Variants in DNAH9 observed in about 807,000 individuals in gnomAD.
DNAH9 encodes the protein dynein axonemal heavy chain 9.
In DNAH9, 345 loss-of-function variants were observed where a neutral mutation model predicts 471.6. That is an observed-to-expected ratio of 0.73 (90% confidence interval 0.67 to 0.80). DNAH9 has a LOEUF of 0.80. Among genes scored for constraint, DNAH9 ranks in the 30% least tolerant of loss-of-function variants. The pLI, the probability that DNAH9 is intolerant of heterozygous loss-of-function variation, is 0.00. For missense variants in DNAH9, 5,407 were observed against 5,609.2 expected, an observed-to-expected ratio of 0.96 and a Z score of 1.15; for synonymous variants, 2,093 against 2,123.6, an observed-to-expected ratio of 0.99 and a Z score of 0.40.
intron 66 of DNAH9, among the ~76,000 whole-genome samples, chr17:11,938,730 C>T (rs977201182): frequency 1.3e-5 from 2 of 152,126 alleles, no homozygotes; most frequent in Non-Finnish European, 2.9e-5. Flanking sequence ...TCCTGAGTAG[C>T]TAGGACTGCA....
chr17:11,929,509 G>A (rs1363301999), intron 62 of DNAH9, among the ~76,000 whole-genome samples: 1 of 152,194 alleles, frequency 6.6e-6, no homozygotes, highest in South Asian at 2.1e-4. Context: ...GCACAGGCAA[G>A]TTTAAAAACA....
chr17:11,948,722 TG>T (rs1975241599), intron 67 of DNAH9, among the ~76,000 whole-genome samples: 1 of 152,140 alleles, frequency 6.6e-6, no homozygotes, highest in Non-Finnish European at 1.5e-5. Context: ...GAGGCCAGCC[TG>T]GAAGGAGTGG....
chr17:11,645,879 CTTTTTTT>C (rs760279719), intron 11 of DNAH9, among the ~76,000 whole-genome samples: 1 of 70,616 alleles, frequency 1.4e-5, no homozygotes, highest in South Asian at 5.0e-4. Flanking sequence ...TTTTCTTTTT[CTTTTTTT>C]TTTTTTTTTT....
intron 1 of DNAH9, among the ~76,000 whole-genome samples, chr17:11,606,479 T>A (rs1189693150): frequency 7.7e-6 from 1 of 130,394 alleles, no homozygotes. Flanking sequence ...AGACAGAGTC[T>A]TGCTCTGTCT....
intron 48 of DNAH9, among the ~76,000 whole-genome samples, chr17:11,829,084 G>A (rs538768837): frequency 6.6e-5 from 10 of 152,240 alleles, no homozygotes; most frequent in Non-Finnish European, 1.3e-4. Flanking sequence ...TGTGCACATG[G>A]TATTCATTCC....
chr17:11,935,984 T>C lies in DNAH9; in HGVS notation c.12490-1368T>C, dbSNP rs61153313. Among the ~76,000 whole-genome samples the C allele has an allele frequency of 7.6e-3, 1,159 of 152,282 alleles. 20 individuals carry two copies. The highest frequency in any genetic ancestry group is 0.027 in the African/African-American group (1,115 of 41,548). ...GTGCAACAGCGTCCCCTAGTGTCCA[T>C]GGGATAATTCGACAGGAGGCTGGAG... On this transcript the variant is annotated intron_variant, in intron 65 of 68. Coordinates refer to ENST00000262442, the MANE Select transcript of DNAH9 (RefSeq NM_001372.4).
In DNAH9 at chr17:11,930,157, G is replaced by A. The variant is rs548613412; in HGVS notation, c.12105+64G>A. On this transcript the variant is annotated intron_variant, in intron 63 of 68. Coordinates refer to ENST00000262442, the MANE Select transcript of DNAH9 (RefSeq NM_001372.4). ...TCACAGTCAGCTGATGCAAACTGGT[G>A]GGGGGAGAGCATGCAACTCAGAAGG... 1.5e-5 allele frequency: 21 copies of A among 1,384,436 alleles called. No individual in the cohort carries two copies. In the East Asian group the frequency reaches 2.4e-4, roughly 16 times the overall value. 85.8% of individuals were successfully genotyped at this position (1,384,436 alleles called of 1,614,324 possible). A position where few individuals can be genotyped will look rare whatever the true frequency, so the allele number is the denominator to read the frequency against.
chr17:11,750,329 TTTTA>T (rs1434097163), intron 32 of DNAH9, among the ~76,000 whole-genome samples: 8 of 152,292 alleles, frequency 5.3e-5, no homozygotes, highest in Admixed American at 1.3e-4. Context: ...GTTATTTTAG[TTTTA>T]TTTATTTATT....
In DNAH9 at chr17:11,689,951, C is replaced by A. The variant is rs2074304046; in HGVS notation, c.4129C>A (p.Gln1377Lys). The change falls in exon 20 of 69, where the codon CAG becomes AAG. Residue 1377 changes from glutamine to lysine, a missense_variant. Gln to Lys is a moderately conservative substitution (Grantham distance 53). This residue lies in a region of DNAH9 where 4,636 missense variants were observed against 4,900.3 expected (regional missense o/e 0.95). Transcript: ENST00000262442. ...LSSLRAVAEL[Q>K]NPAIRERHWR... ...CTCCCTGAGGGCAGTAGCTGAGCTG[C>A]AGAATCCAGCCATCCGGGAGCGGCA... 6.2e-7 allele frequency: 1 copy of A among 1,612,618 alleles called. No homozygotes were observed. Among genetic ancestry groups the A allele is most frequent in the Admixed American group, 1.7e-5 (1 of 59,782 alleles).
At chr17:11,820,409 A>T (rs76068841) in intron 45 of DNAH9, among the ~76,000 whole-genome samples, 1 of 138,850 alleles carries the variant, frequency 7.2e-6, no homozygotes, top group Non-Finnish European at 1.5e-5. Flanking sequence ...CCAATCTGAT[A>T]AAAAAAAAAT....
rs527835262 is a variant in DNAH9 at position 11,654,355 on chromosome 17, C to CAAAAAAAAA, written c.2595+1368_2595+1376dup. ...TGGGCCACAGAGCGAGACTCCGTCT[C>CAAAAAAAAA]AAAAAAAAAAAAAAAAAAAAAAAGT... On this transcript the variant is annotated intron_variant, in intron 14 of 68. Transcript: ENST00000262442. Among the ~76,000 whole-genome samples the CAAAAAAAAA allele has an allele frequency of 6.2e-4, 7 of 11,252 alleles. 1 individual carries two copies. The highest frequency in any genetic ancestry group is 2.4e-3 in the Non-Finnish European group (3 of 1,232). 7.4% of individuals were successfully genotyped at this position (11,252 alleles called of 152,430 possible). A position where few individuals can be genotyped will look rare whatever the true frequency, so the allele number is the denominator to read the frequency against.
chr17:11,753,275 T>A (rs767341166), intron 33 of DNAH9, among the ~76,000 whole-genome samples: 3 of 152,248 alleles, frequency 2.0e-5, no homozygotes, highest in Non-Finnish European at 4.4e-5. Flanking sequence ...CTTTTTACTT[T>A]TTCTTTTTAT....
intron 19 of DNAH9, among the ~76,000 whole-genome samples, chr17:11,682,759 G>A (rs79851578): frequency 0.024 from 3,677 of 152,188 alleles, 151 homozygotes; most frequent in African/African-American, 0.083. Context: ...TCAGTATTTT[G>A]TAAGCTCCAG....
chr17:11,939,244 A>G (rs573949545), intron 66 of DNAH9, among the ~76,000 whole-genome samples: 1 of 152,332 alleles, frequency 6.6e-6, no homozygotes, highest in South Asian at 2.1e-4. Context: ...TTGAAAATAA[A>G]GAGAAGAACC....
intron 52 of DNAH9, among the ~76,000 whole-genome samples, chr17:11,874,366 T>G (rs779732068): frequency 7.9e-5 from 12 of 152,048 alleles, no homozygotes; most frequent in Non-Finnish European, 1.3e-4. Flanking sequence ...GTTCTCAGAC[T>G]GATAAATACT....
At chr17:11,627,579 T>TA (rs1268619646) in intron 6 of DNAH9, among the ~76,000 whole-genome samples, 1 of 152,320 alleles carries the variant, frequency 6.6e-6, no homozygotes, top group East Asian at 1.9e-4. Context: ...TTCATTTCCA[T>TA]AAAATTCATT....
intron 38 of DNAH9, among the ~76,000 whole-genome samples, chr17:11,779,715 C>T (rs543474406): frequency 1.3e-5 from 2 of 152,292 alleles, no homozygotes; most frequent in South Asian, 4.1e-4. Flanking sequence ...TCCTTGTCAA[C>T]CCATGAATTA....
Position 11,769,256 on chromosome 17 carries a change from C to A in DNAH9, c.7479C>A (p.Ala2493=). ...CGGTGCTGGTGGGAGCTAAGCTGGC[C>A]AGCCTTGACCCCGAGGCATACCTGG... The part of the protein sequence containing the change: ...GKSVLVGAKL[A]SLDPEAYLVK... Residue 2493 remains alanine (A), a synonymous_variant, in exon 38 of 69, where the codon GCC becomes GCA. Coordinates refer to ENST00000262442, the MANE Select transcript of DNAH9 (RefSeq NM_001372.4). The A allele has an allele frequency of 6.2e-7, 1 of 1,614,116 alleles. No homozygotes were observed. The highest frequency in any genetic ancestry group is 8.5e-7 in the Non-Finnish European group (1 of 1,180,036).
intron 48 of DNAH9, among the ~76,000 whole-genome samples, chr17:11,827,785 A>G (rs1267636077): frequency 6.6e-6 from 1 of 151,958 alleles, no homozygotes; most frequent in African/African-American, 2.4e-5. Flanking sequence ...TCCCAGGCTC[A>G]AGCGATTCTC....
Sources: allele counts gnomAD v4.1 joint callset (sites outside exome capture counted in the v4.1 genomes callset), GRCh38; gene constraint gnomAD v4.1.1; regional missense constraint gnomAD v4.1.1; transcripts MANE v1.5; gene names NCBI Gene and HGNC (gene_info 2026-07-23, HGNC 2026-07-21).